The following AMPD2 variants were observed in gnomAD, a reference collection of about 807,000 sequenced individuals.
The protein encoded by AMPD2 is AMP deaminase 2.
Under a neutral mutation model 91.3 loss-of-function variants are expected in AMPD2, and 52 were observed. That is an observed-to-expected ratio of 0.57 (90% CI 0.46 to 0.72). AMPD2 has a LOEUF of 0.72. Ranked by LOEUF, AMPD2 falls within the 30% of genes least tolerant of loss-of-function variation. The probability of loss-of-function intolerance (pLI) is 0.00; values close to 1 mark genes in which losing one functional copy is unlikely to be tolerated. For missense variants in AMPD2, 822 were observed against 1,122.3 expected, an observed-to-expected ratio of 0.73 and a Z score of 3.82; for synonymous variants, 455 against 456.4, an observed-to-expected ratio of 1.00 and a Z score of 0.04.
chr1:109,626,537 A>G, intron 6 of AMPD2, 110 bp downstream of exon 6: 2 of 1,318,016 alleles, frequency 1.5e-6, no homozygotes, highest in Non-Finnish European at 1.0e-6. Flanking sequence ...TCTTTCCAGC[A>G]GCTGGAGGGG....
At position 109,620,082 on chromosome 1, in the gene AMPD2, G is replaced by T; in HGVS notation, c.-459G>T. On this transcript the variant is annotated 5_prime_UTR_variant, in exon 1 of 19. Transcript: ENST00000528667. ...CCAGTCCGGCTGCCGAGGTCTGCGG[G>T]AGTCCACCTCCGGCCAGCTGGCAAT... The T allele has an allele frequency of 1.4e-6, 1 of 739,198 alleles. No individual in the cohort carries two copies. The highest frequency in any genetic ancestry group is 2.3e-5 in the Admixed American group (1 of 42,904). 45.8% of individuals were successfully genotyped at this position (739,198 alleles called of 1,614,324 possible). A position where few individuals can be genotyped will look rare whatever the true frequency, so the allele number is the denominator to read the frequency against.
chr1:109,626,446 T>C lies in AMPD2; in HGVS notation c.531+19T>C. The stretch of plus-strand genomic sequence containing the variant: ...GTGTGGGGTAAGTATGGGGTGTATG[T>C]TGGGTGAGTCGCCATCACCTATGTC... On this transcript the variant is annotated intron_variant, in intron 6 of 18. Transcript: ENST00000528667. 6.3e-7 allele frequency: 1 copy of C among 1,587,666 alleles called. No individual in the cohort carries two copies. The highest frequency in any genetic ancestry group is 8.6e-7 in the Non-Finnish European group (1 of 1,168,466).
Position 109,628,580 on chromosome 1 carries a change from T to C in AMPD2, c.1408-63T>C. On this transcript the variant is annotated intron_variant, in intron 12 of 18. Coordinates refer to ENST00000528667, the MANE Select transcript of AMPD2 (RefSeq NM_001368809.2). The surrounding 1 kb of genome is among the most constrained non-coding windows in gnomAD (Gnocchi z 7.1). ...GTGAGACTCAAGGAGGGTAGGCAGA[T>C]GACCCCCTGAAGAGCTCTGACTCAG... 1 of 1,611,192 alleles carries C rather than the reference T, an allele frequency of 6.2e-7. No individual in the cohort carries two copies. The highest frequency in any genetic ancestry group is 8.5e-7 in the Non-Finnish European group (1 of 1,178,202).
chr1:109,628,747 C>T lies in AMPD2; in HGVS notation c.1512C>T (p.Ala504=), dbSNP rs769002205. Reference sequence around the variant, plus strand: ...AGTGGGACAAGCTGGCGCGCTGGGCCGTCATGCACCGCGTGCACTCCCCCA... The same window carrying T: ...AGTGGGACAAGCTGGCGCGCTGGGCTGTCATGCACCGCGTGCACTCCCCCA... ...RDEWDKLARW[A]VMHRVHSPNV... is the part of the protein sequence containing the mutation. The change falls in exon 13 of 19, where the codon GCC becomes GCT. Residue 504 remains alanine (A), a synonymous_variant. Transcript: ENST00000528667. The surrounding 1 kb of genome is among the most constrained non-coding windows in gnomAD (Gnocchi z 7.1). 9 of 1,598,532 alleles carry T rather than the reference C, an allele frequency of 5.6e-6. No individual in the cohort carries two copies. Among genetic ancestry groups the T allele is most frequent in the South Asian group, 1.1e-5 (1 of 89,304 alleles).
In AMPD2 at chr1:109,625,673, C is replaced by A. The variant is rs544405879; in HGVS notation, c.234C>A (p.Thr78=). 1 of 1,613,980 alleles carries A rather than the reference C, an allele frequency of 6.2e-7. No individual in the cohort carries two copies. Among genetic ancestry groups the A allele is most frequent in the African/African-American group, 1.3e-5 (1 of 74,916 alleles). ...KCKEIAEELF[T]RSLAESELRS... ...TTCCCTCCCCCCAGGAGCTGTTCAC[C>A]CGCTCACTGGCTGAGAGCGAGCTCC... Residue 78 remains threonine, a synonymous_variant, in exon 4 of 19, where the codon ACC becomes ACA. Coordinates refer to ENST00000528667, the MANE Select transcript of AMPD2 (RefSeq NM_001368809.2). The surrounding 1 kb of genome is among the most constrained non-coding windows in gnomAD (Gnocchi z 4.0).
In AMPD2 at chr1:109,620,996, C is replaced by G. The variant is rs1325403319; in HGVS notation, c.-180C>G. 1 of 1,561,594 alleles carries G rather than the reference C, an allele frequency of 6.4e-7. No individual in the cohort carries two copies. The highest frequency in any genetic ancestry group is 2.3e-5 in the East Asian group (1 of 44,402). ...GGGCAGAGATGGAGGCCCCACTCCC[C>G]GAGGTTGCCTAGACAACATGAGAAA... On this transcript the variant is annotated 5_prime_UTR_variant, in exon 2 of 19. Coordinates refer to ENST00000528667, the MANE Select transcript of AMPD2 (RefSeq NM_001368809.2).
At position 109,625,626 on chromosome 1, in the gene AMPD2, G is replaced by A. The variant is rs1262047116; in HGVS notation, c.223-36G>A. 1.9e-6 allele frequency: 3 copies of A among 1,610,214 alleles called. No homozygotes were observed. Among genetic ancestry groups the A allele is most frequent in the Admixed American group, 1.7e-5 (1 of 59,844 alleles). On this transcript the variant is annotated intron_variant, in intron 3 of 18. Coordinates refer to ENST00000528667, the MANE Select transcript of AMPD2 (RefSeq NM_001368809.2). This position sits in a 1 kb window ranked among gnomAD's most constrained non-coding sequence, Gnocchi z 4.0. ...CTGTAGGAGAGTGCCCGAGGGCGGAGGGCCAGCCATGCTGACCTTCCTTCC... is the reference window on the plus strand; with the variant it reads ...CTGTAGGAGAGTGCCCGAGGGCGGAAGGCCAGCCATGCTGACCTTCCTTCC...
chr1:109,627,954 C>T (rs1650846117), intron 10 of AMPD2, 51 bp downstream of exon 10: 8 of 1,610,520 alleles, frequency 5.0e-6, no homozygotes, highest in African/African-American at 2.7e-5. Context: ...ACACCTCTGC[C>T]CAGCCTCCCC....
In AMPD2 at chr1:109,627,209, C is replaced by T. The variant is rs1351375750; in HGVS notation, c.753C>T (p.His251=). The change falls in exon 8 of 19, where the codon CAC becomes CAT. Residue 251 remains histidine, a synonymous_variant. Coordinates refer to ENST00000528667, the MANE Select transcript of AMPD2 (RefSeq NM_001368809.2). ...APVHPPALEQ[H]PYEHCEPSTM... Reference sequence around the variant, plus strand: ...TGCACCCCCCTGCGCTGGAGCAGCACCCGTATGAGCACTGTGAGCCAAGCA... The same window carrying T: ...TGCACCCCCCTGCGCTGGAGCAGCATCCGTATGAGCACTGTGAGCCAAGCA... 5.6e-6 allele frequency: 9 copies of T among 1,613,524 alleles called. No homozygotes were observed. Among genetic ancestry groups the T allele is most frequent in the Non-Finnish European group, 6.8e-6 (8 of 1,179,868 alleles).
intron 17 of AMPD2, 33 bp downstream of exon 17, chr1:109,630,439 C>G: frequency 1.4e-6 from 2 of 1,380,394 alleles, no homozygotes; most frequent in Non-Finnish European, 1.9e-6. Context: ...GGCGGGCGGG[C>G]GTCCCAGGAC....
Position 109,628,985 on chromosome 1 carries a change from G to C in AMPD2, c.1572-124G>C. On this transcript the variant is annotated intron_variant, in intron 13 of 18. Coordinates refer to ENST00000528667, the MANE Select transcript of AMPD2 (RefSeq NM_001368809.2). The surrounding 1 kb of genome is among the most constrained non-coding windows in gnomAD (Gnocchi z 7.1). Reference sequence around the variant, plus strand: ...CAGCCTGGCCCACCTGGGTATCCTTGCTTTCCCAATATGGTTCAGATGCGC... The same window carrying C: ...CAGCCTGGCCCACCTGGGTATCCTTCCTTTCCCAATATGGTTCAGATGCGC... 1 of 1,468,044 alleles carries C rather than the reference G, an allele frequency of 6.8e-7. No individual in the cohort carries two copies. The highest frequency in any genetic ancestry group is 9.1e-7 in the Non-Finnish European group (1 of 1,096,228). 90.9% of individuals were successfully genotyped at this position (1,468,044 alleles called of 1,614,324 possible). A position where few individuals can be genotyped will look rare whatever the true frequency, so the allele number is the denominator to read the frequency against.
rs1464279498 is a variant in AMPD2 at position 109,626,089 on chromosome 1, G to A, written c.354-71G>A. On this transcript the variant is annotated intron_variant, in intron 4 of 18. Coordinates refer to ENST00000528667, the MANE Select transcript of AMPD2 (RefSeq NM_001368809.2). Reference sequence around the variant, plus strand: ...TGACAACATGTGCACAGCACCTAGTGCGGTGCTGGGACCTGGGAGCAAGGG... The same window carrying A: ...TGACAACATGTGCACAGCACCTAGTACGGTGCTGGGACCTGGGAGCAAGGG... 5 of 1,482,894 alleles carry A rather than the reference G, an allele frequency of 3.4e-6. No individual in the cohort carries two copies. The East Asian group carries it at 9.1e-5, about 27-fold the overall frequency. The allele number at this position is 1,482,894 out of a possible 1,614,324, so 91.9% of individuals were successfully genotyped here.
chr1:109,621,477 G>A, intron 2 of AMPD2: 1 of 664,418 alleles, frequency 1.5e-6, no homozygotes, highest in South Asian at 1.7e-5. Context: ...CTGTGCCAGG[G>A]ATGCTGTCCT....
intron 2 of AMPD2, among the ~76,000 whole-genome samples, chr1:109,622,908 C>T (rs183797703): frequency 2.0e-3 from 303 of 152,178 alleles, no homozygotes; most frequent in Non-Finnish European, 3.6e-3. Context: ...TCAGGGTTCT[C>T]GGGCAAGAAA....
rs939080359 is a variant in AMPD2, at chr1:109,623,949, C to T, written c.92-1354C>T. 14 of 966,462 alleles carry T rather than the reference C, an allele frequency of 1.4e-5. No individual in the cohort carries two copies. The Admixed American group carries it at 2.5e-4, about 17-fold the overall frequency. 59.9% of individuals were successfully genotyped at this position (966,462 alleles called of 1,614,324 possible). A position where few individuals can be genotyped will look rare whatever the true frequency, so the allele number is the denominator to read the frequency against. On this transcript the variant is annotated intron_variant, in intron 2 of 18. Transcript: ENST00000528667. Reference sequence around the variant, plus strand: ...TTGAACTCCCCTAGCTCCGTGCTCACGGCCATCTCAGGGTCTCCCCTGCTT... The same window carrying T: ...TTGAACTCCCCTAGCTCCGTGCTCATGGCCATCTCAGGGTCTCCCCTGCTT...
rs1028580968 is a variant in AMPD2 at position 109,628,705 on chromosome 1, C to T, written c.1470C>T (p.Tyr490=). The change falls in exon 13 of 19, where the codon TAC becomes TAT. Residue 490 remains tyrosine (Y), a synonymous_variant. Transcript: ENST00000528667. The surrounding 1 kb of genome is among the most constrained non-coding windows in gnomAD (Gnocchi z 7.1). ...YQNAELRLSI[Y]GRSRDEWDKL... ...ATGCAGAGCTGCGGCTCTCCATTTA[C>T]GGGCGCTCGAGGGATGAGTGGGACA... is the stretch of plus-strand genomic sequence containing the variant. 5.6e-6 allele frequency: 9 copies of T among 1,613,280 alleles called. No individual in the cohort carries two copies. Among genetic ancestry groups the T allele is most frequent in the African/African-American group, 4.0e-5 (3 of 74,916 alleles).
intron 17 of AMPD2, 98 bp from the exon 18 acceptor site, chr1:109,630,585 G>T: frequency 1.2e-6 from 1 of 811,250 alleles, no homozygotes; most frequent in Non-Finnish European, 1.8e-6. Flanking sequence ...TGGGGGGATG[G>T]GGGGGCGGGG....
intron 17 of AMPD2, 54 bp from the exon 18 acceptor site, chr1:109,630,629 A>C (rs748794719): frequency 1.7e-4 from 260 of 1,489,958 alleles, no homozygotes; most frequent in Admixed American, 2.8e-4. Flanking sequence ...TGGGGAAGGG[A>C]GGCAGGGGCA....
rs1348905396 is a variant in AMPD2 at position 109,624,068 on chromosome 1, C to T, written c.92-1235C>T. ...GGGCAAGGGGCACAGGGCTGCTGGC[C>T]GGAGCTGCCTGCACTCTGCAGGTAG... On this transcript the variant is annotated intron_variant, in intron 2 of 18. Transcript: ENST00000528667. The surrounding 1 kb of genome is among the most constrained non-coding windows in gnomAD (Gnocchi z 5.2). The T allele has an allele frequency of 3.9e-5, 38 of 985,530 alleles. No homozygotes were observed. Among genetic ancestry groups the T allele is most frequent in the Non-Finnish European group, 4.2e-5 (35 of 830,118 alleles). 61.0% of individuals were successfully genotyped at this position (985,530 alleles called of 1,614,324 possible).
Sources: allele counts gnomAD v4.1 joint callset (sites outside exome capture counted in the v4.1 genomes callset), GRCh38; gene constraint gnomAD v4.1.1; non-coding constraint Gnocchi (gnomAD v3.1); transcripts MANE v1.5; gene names NCBI Gene and HGNC (gene_info 2026-07-23, HGNC 2026-07-21).